Variants in MARK3 observed in about 807,000 individuals in gnomAD.
The protein encoded by MARK3 is microtubule affinity regulating kinase 3.
In MARK3, 46 loss-of-function variants were observed where a neutral mutation model predicts 90.1. The ratio of observed to expected loss-of-function variants is 0.51; its 90% CI spans 0.40 to 0.65. The LOEUF (loss-of-function observed/expected upper bound fraction) is 0.65, where lower values mean the gene tolerates loss of function less well. Among genes scored for constraint, MARK3 ranks in the 30% least tolerant of loss-of-function variants. MARK3 has a pLI of 0.00. For synonymous variants in MARK3, 321 were observed against 332.6 expected, an observed-to-expected ratio of 0.97 and a Z score of 0.38; for missense variants, 818 against 947.2, an observed-to-expected ratio of 0.86 and a Z score of 1.79.
At chr14:103,487,868 GA>G (rs2093956391) in intron 14 of MARK3, among the ~76,000 whole-genome samples, 1 of 152,138 alleles carries the variant, frequency 6.6e-6, no homozygotes, top group South Asian at 2.1e-4. Flanking sequence ...CTAACATGGT[GA>G]AATCCCGTCT....
chr14:103,408,002 C>A (rs138748984), intron 2 of MARK3, among the ~76,000 whole-genome samples: 2 of 152,252 alleles, frequency 1.3e-5, no homozygotes, highest in Non-Finnish European at 2.9e-5. Flanking sequence ...CCATAAAAAT[C>A]CCGATACTCC....
chr14:103,431,108 G>C (rs1041541920), intron 3 of MARK3, among the ~76,000 whole-genome samples: 1 of 151,862 alleles, frequency 6.6e-6, no homozygotes, highest in Non-Finnish European at 1.5e-5. Context: ...GTTTTTTTGA[G>C]ATGGAGTCTC....
intron 6 of MARK3, among the ~76,000 whole-genome samples, chr14:103,458,259 G>T (rs147836938): frequency 6.6e-6 from 1 of 152,062 alleles, no homozygotes; most frequent in South Asian, 2.1e-4. Context: ...AGGAGTTCGA[G>T]ACCAGCCTGG....
At position 103,459,542 on chromosome 14, in the gene MARK3, A is replaced by G. The variant is rs2093350979; in HGVS notation, c.483+2330A>G. 2.6e-5 allele frequency among the ~76,000 whole-genome samples: 4 copies of G among 151,994 alleles called. No homozygotes were observed. The South Asian group carries it at 8.3e-4, about 31-fold the overall frequency. Reference sequence around the variant, plus strand: ...TGAGATGGAGTCTCCCTCTGTCACCAAGGCTGGAGTGCAGTGGCCCGATCT... The same window carrying G: ...TGAGATGGAGTCTCCCTCTGTCACCGAGGCTGGAGTGCAGTGGCCCGATCT... On this transcript the variant is annotated intron_variant, in intron 6 of 17. Transcript: ENST00000429436.
At position 103,503,412 on chromosome 14, in the gene MARK3, A is replaced by G. The variant is rs1450030941; in HGVS notation, c.*185A>G. 1.6e-5 allele frequency: 10 copies of G among 610,206 alleles called. No individual in the cohort carries two copies. The highest frequency in any genetic ancestry group is 8.5e-5 in the East Asian group (3 of 35,256). 37.8% of individuals were successfully genotyped at this position (610,206 alleles called of 1,614,324 possible). A position where few individuals can be genotyped will look rare whatever the true frequency, so the allele number is the denominator to read the frequency against. ...TTTCTACGAATGCACTACATTAAAG[A>G]TGTGCAACCTATGCGCCCCCTGCCC... On this transcript the variant is annotated 3_prime_UTR_variant, in exon 18 of 18. Transcript: ENST00000429436.
intron 15 of MARK3, among the ~76,000 whole-genome samples, chr14:103,493,897 T>C (rs540581876): frequency 6.6e-6 from 1 of 150,838 alleles, no homozygotes; most frequent in East Asian, 2.0e-4. Flanking sequence ...AAAAAAACTT[T>C]GAGTTTATTT....
At chr14:103,487,588 CT>C (rs2093952030) in intron 14 of MARK3, among the ~76,000 whole-genome samples, 1 of 152,094 alleles carries the variant, frequency 6.6e-6, no homozygotes, top group South Asian at 2.1e-4. Context: ...GGTCAAACAA[CT>C]CCTGCATCTT....
chr14:103,413,395 G>A (rs1402783669), intron 2 of MARK3, among the ~76,000 whole-genome samples: 2 of 148,324 alleles, frequency 1.3e-5, no homozygotes, highest in African/African-American at 2.5e-5. Context: ...TTGGAATGTC[G>A]AAAATTAAGT....
At position 103,503,360 on chromosome 14, in the gene MARK3, C is replaced by A; in HGVS notation, c.*133C>A. 1.1e-6 allele frequency: 1 copy of A among 870,606 alleles called. No homozygotes were observed. Among genetic ancestry groups the A allele is most frequent in the Non-Finnish European group, 1.7e-6 (1 of 581,526 alleles). 53.9% of individuals were successfully genotyped at this position (870,606 alleles called of 1,614,324 possible). A position where few individuals can be genotyped will look rare whatever the true frequency, so the allele number is the denominator to read the frequency against. ...TGAAATTAAAGTCTGAGGACGAGAG[C>A]ACGCCTGGGAGCGAAAGCTGGCCTT... is the stretch of plus-strand genomic sequence containing the variant. On this transcript the variant is annotated 3_prime_UTR_variant, in exon 18 of 18. Transcript: ENST00000429436.
intron 1 of MARK3, among the ~76,000 whole-genome samples, chr14:103,400,032 G>A (rs1033370985): frequency 5.3e-5 from 8 of 151,594 alleles, no homozygotes; most frequent in South Asian, 2.1e-4. Context: ...TTGTTCAAGC[G>A]ATTCTCATGC....
At chr14:103,426,947 A>G (rs2092425472) in intron 2 of MARK3, among the ~76,000 whole-genome samples, 1 of 151,928 alleles carries the variant, frequency 6.6e-6, no homozygotes, top group Non-Finnish European at 1.5e-5. Context: ...ACCTATTTGT[A>G]TGCTTACCCA....
intron 1 of MARK3, among the ~76,000 whole-genome samples, chr14:103,394,271 C>A (rs945380864): frequency 6.6e-6 from 1 of 152,162 alleles, no homozygotes; most frequent in Non-Finnish European, 1.5e-5. Flanking sequence ...GAAAATAAAT[C>A]TCTTACCTGG....
At chr14:103,407,366 A>G (rs1253706653) in intron 2 of MARK3, among the ~76,000 whole-genome samples, 3 of 152,074 alleles carry the variant, frequency 2.0e-5, no homozygotes, top group East Asian at 1.9e-4. Flanking sequence ...GAAGTTTCTT[A>G]ATCTCTCTAC....
intron 2 of MARK3, chr14:103,412,700 T>G (rs1262817738): frequency 1.5e-5 from 10 of 656,154 alleles, no homozygotes; most frequent in Non-Finnish European, 2.4e-5. Flanking sequence ...CTTTCACTGG[T>G]TCCCGTGCAG....
intron 12 of MARK3, 37 bp downstream of exon 12, chr14:103,468,223 T>A (rs1283702986): frequency 6.3e-7 from 1 of 1,593,234 alleles, no homozygotes; most frequent in Non-Finnish European, 8.6e-7. Context: ...TCTCTTAGAG[T>A]CCAGGCAAGA....
Position 103,466,417 on chromosome 14 carries a change from A to G in MARK3, c.972A>G (p.Leu324=). The part of the protein sequence containing the change: ...DELKPFVEPE[L]DISDQKRIDI... Reference sequence around the variant, plus strand: ...TCAAACCATTTGTTGAACCAGAGCTAGACATCTCAGACCAAAAAAGAATAG... The same window carrying G: ...TCAAACCATTTGTTGAACCAGAGCTGGACATCTCAGACCAAAAAAGAATAG... Residue 324 remains leucine, a synonymous_variant, in exon 10 of 18, where the codon CTA becomes CTG. Transcript: ENST00000429436. The G allele has an allele frequency of 6.2e-7, 1 of 1,613,150 alleles. No homozygotes were observed. The highest frequency in any genetic ancestry group is 8.5e-7 in the Non-Finnish European group (1 of 1,179,186).
chr14:103,403,021 T>TCCCTCC (rs34706574), intron 1 of MARK3, among the ~76,000 whole-genome samples: 1 of 151,410 alleles, frequency 6.6e-6, no homozygotes, highest in Non-Finnish European at 1.5e-5. Flanking sequence ...CAATGTTACA[T>TCCCTCC]CCCTCCCCCT....
Position 103,503,295 on chromosome 14 carries a change from GA to G in MARK3, c.*70del, listed in dbSNP as rs1260596475. 3.1e-6 allele frequency: 4 copies of G among 1,303,528 alleles called. No individual in the cohort carries two copies. The African/African-American group carries it at 4.4e-5, about 14-fold the overall frequency. 80.7% of individuals were successfully genotyped at this position (1,303,528 alleles called of 1,614,324 possible). A position where few individuals can be genotyped will look rare whatever the true frequency, so the allele number is the denominator to read the frequency against. On this transcript the variant is annotated 3_prime_UTR_variant, in exon 18 of 18. Coordinates refer to ENST00000429436, the MANE Select transcript of MARK3 (RefSeq NM_001128918.3). Reference sequence around the variant, plus strand: ...TCCTGAACACTGATGGAAATGTATAGAATAATATTTAGGCAATAACGTCTGC... The same window carrying G: ...TCCTGAACACTGATGGAAATGTATAGATAATATTTAGGCAATAACGTCTGC...
chr14:103,475,304 C>T, intron 13 of MARK3, 94 bp downstream of exon 13: 1 of 982,918 alleles, frequency 1.0e-6, no homozygotes, highest in South Asian at 1.5e-5. Flanking sequence ...GTCTCTCGTA[C>T]TGGAATGCCC....
Sources: allele counts gnomAD v4.1 joint callset (sites outside exome capture counted in the v4.1 genomes callset), GRCh38; gene constraint gnomAD v4.1.1; transcripts MANE v1.5; gene names NCBI Gene and HGNC (gene_info 2026-07-23, HGNC 2026-07-21).